The following AMD1 variants were observed in gnomAD, a reference collection of about 807,000 sequenced individuals.
The protein encoded by AMD1 is S-adenosylmethionine decarboxylase proenzyme.
A neutral mutation model predicts 40.2 loss-of-function variants in AMD1; 11 were observed. That is an observed-to-expected ratio of 0.27 (90% CI 0.17 to 0.45). The LOEUF (loss-of-function observed/expected upper bound fraction) is 0.45, where lower values mean the gene tolerates loss of function less well. AMD1 is among the 20% of genes least tolerant of loss of function. The pLI is 1.00. For missense variants in AMD1, 257 were observed against 410.2 expected (o/e 0.63, Z 3.23); for synonymous variants, 121 against 130.8 (o/e 0.93, Z 0.51).
the AMD1 span, among the ~76,000 whole-genome samples, chr6:110,836,012 CAAAAAAAAAAAAAA>C: frequency 1.2e-4 from 7 of 60,756 alleles, no homozygotes; most frequent in African/African-American, 4.3e-4. Context: ...GACCTTGACT[CAAAAAAAAAAAAAA>C]AAAAAAAAAA....
the AMD1 span, among the ~76,000 whole-genome samples, chr6:110,820,427 G>A: frequency 6.6e-6 from 1 of 151,668 alleles, no homozygotes; most frequent in South Asian, 2.1e-4. Flanking sequence ...GTAGAGATGG[G>A]GTTTCTCCAT....
At chr6:110,887,742 A>G (rs540271082) in intron 2 of AMD1, 151 bp downstream of exon 2, 21 of 507,930 alleles carry the variant, frequency 4.1e-5, no homozygotes, top group South Asian at 1.9e-4. Context: ...CTGGAGTGCA[A>G]TGGCGCCATG....
At chr6:110,841,626 G>A in the AMD1 span, among the ~76,000 whole-genome samples, 2 of 151,772 alleles carry the variant, frequency 1.3e-5, no homozygotes, top group Admixed American at 1.3e-4. Context: ...TCCAGCCAAT[G>A]GAGGCAAGAC....
the AMD1 span, among the ~76,000 whole-genome samples, chr6:110,856,688 C>G: frequency 6.6e-6 from 1 of 152,158 alleles, no homozygotes; most frequent in Non-Finnish European, 1.5e-5. Flanking sequence ...ATTAGTATCT[C>G]AAATTCCTAG....
At chr6:110,858,167 G>A in the AMD1 span, 2 of 610,966 alleles carry the variant, frequency 3.3e-6, no homozygotes, top group South Asian at 3.5e-5. Flanking sequence ...CCCTAGAGGA[G>A]TGCGTCCCAG....
the AMD1 span, among the ~76,000 whole-genome samples, chr6:110,851,152 G>T: frequency 6.6e-6 from 1 of 152,004 alleles, no homozygotes; most frequent in East Asian, 1.9e-4. Flanking sequence ...TTTTAGTAGA[G>T]ACGAGGTTTC....
chr6:110,819,229 T>C, the AMD1 span, among the ~76,000 whole-genome samples: 1 of 152,112 alleles, frequency 6.6e-6, no homozygotes, highest in Non-Finnish European at 1.5e-5. Flanking sequence ...TGGTGGCGCA[T>C]GCCTGTAATC....
the AMD1 span, among the ~76,000 whole-genome samples, chr6:110,817,847 AT>A: frequency 4.0e-5 from 6 of 151,730 alleles, no homozygotes; most frequent in African/African-American, 1.2e-4. Context: ...TTTGAGCCAA[AT>A]TTTTTTTTCA....
the AMD1 span, among the ~76,000 whole-genome samples, chr6:110,817,031 A>G: frequency 4.6e-5 from 7 of 152,254 alleles, no homozygotes; most frequent in Non-Finnish European, 1.0e-4. Context: ...AATTTAGTTT[A>G]TAGACCAGCT....
At chr6:110,878,716 G>A (rs911456864) in intron 1 of AMD1, among the ~76,000 whole-genome samples, 16 of 152,174 alleles carry the variant, frequency 1.1e-4, no homozygotes, top group African/African-American at 3.4e-4. Context: ...TTTAGGGAGG[G>A]TGAGAGTAGT....
chr6:110,883,959 T>C (rs1435492137), intron 1 of AMD1, among the ~76,000 whole-genome samples: 13 of 152,192 alleles, frequency 8.5e-5, no homozygotes, highest in Non-Finnish European at 1.5e-5. Context: ...AGTCAGGCAT[T>C]GTCAGAGAGA....
chr6:110,850,489 G>GACCC, the AMD1 span, among the ~76,000 whole-genome samples: 1 of 152,100 alleles, frequency 6.6e-6, no homozygotes, highest in South Asian at 2.1e-4. Context: ...TTCTCCTGAA[G>GACCC]ACCCACCCCA....
At chr6:110,868,017 G>T in the AMD1 span, among the ~76,000 whole-genome samples, 15 of 152,144 alleles carry the variant, frequency 9.9e-5, 1 homozygote, top group South Asian at 2.9e-3. Flanking sequence ...GTAGAGATGG[G>T]TCTGGCTACG....
chr6:110,843,675 C>T, the AMD1 span, among the ~76,000 whole-genome samples: 5 of 152,084 alleles, frequency 3.3e-5, no homozygotes, highest in African/African-American at 9.7e-5. Context: ...TAGCCTCCAC[C>T]TACTGGGCTC....
chr6:110,844,280 A>G, the AMD1 span, among the ~76,000 whole-genome samples: 1 of 143,672 alleles, frequency 7.0e-6, no homozygotes, highest in Non-Finnish European at 1.5e-5. Flanking sequence ...TTTTTTTTTG[A>G]CTGAGTAGCT....
the AMD1 span, among the ~76,000 whole-genome samples, chr6:110,840,146 T>C: frequency 6.6e-6 from 1 of 151,560 alleles, no homozygotes; most frequent in African/African-American, 2.4e-5. Context: ...GCCTCCTGAG[T>C]AGCTGGGATT....
intron 1 of AMD1, among the ~76,000 whole-genome samples, chr6:110,879,041 T>G (rs1785260419): frequency 6.6e-6 from 1 of 152,168 alleles, no homozygotes. Context: ...GAATAAAGCT[T>G]CTCGTTACAT....
At chr6:110,840,710 T>A in the AMD1 span, among the ~76,000 whole-genome samples, 11 of 138,956 alleles carry the variant, frequency 7.9e-5, no homozygotes, top group Non-Finnish European at 1.2e-4. Flanking sequence ...AGCAGGGCCC[T>A]CTCTGGTGAG....
the AMD1 span, among the ~76,000 whole-genome samples, chr6:110,844,430 TTA>T: frequency 6.6e-6 from 1 of 151,598 alleles, no homozygotes; most frequent in Admixed American, 6.6e-5. Flanking sequence ...AGTGCTGGGA[TTA>T]TAGGCATGAG....
Sources: gnomAD v4.1 joint callset for allele counts (sites outside exome capture counted in the v4.1 genomes callset) on GRCh38, gnomAD v4.1.1 for gene constraint, MANE v1.5 for transcripts, NCBI Gene and HGNC (gene_info 2026-07-23, HGNC 2026-07-21) for gene names.